Variants in GCNT1 observed in about 807,000 individuals in gnomAD.
GCNT1 encodes the protein glucosaminyl (N-acetyl) transferase 1.
In GCNT1, 16 loss-of-function variants were observed where a neutral mutation model predicts 26.2. That is an observed-to-expected ratio of 0.61 (90% CI 0.41 to 0.93). The LOEUF (loss-of-function observed/expected upper bound fraction) is 0.93. GCNT1 is among the 40% of genes least tolerant of loss of function. The pLI, the probability that GCNT1 is intolerant of heterozygous loss-of-function variation, is 0.00. For missense variants in GCNT1, 477 were observed against 526.7 expected (o/e 0.91, Z 0.92); for synonymous variants, 183 against 190.8 (o/e 0.96, Z 0.34).
rs1047834183 is a variant in GCNT1, at chr9:76,480,964, C to T, written c.-289-19952C>T. 3.3e-5 allele frequency among the ~76,000 whole-genome samples: 5 copies of T among 151,912 alleles called. 1 individual carries two copies. Among genetic ancestry groups the T allele is most frequent in the Admixed American group, 2.0e-4 (3 of 15,258 alleles). On this transcript the variant is annotated intron_variant, in intron 2 of 3. Transcript: ENST00000376730. ...TACTCAGAAAAAAAAAATAGCTGGGCGTGGTGTCTCACGCCTGTAATCCCA... is the reference window on the plus strand; with the variant it reads ...TACTCAGAAAAAAAAAATAGCTGGGTGTGGTGTCTCACGCCTGTAATCCCA...
At chr9:76,439,201 A>G (rs1587411097), upstream of GCNT1, among the ~76,000 whole-genome samples, 1 of 151,288 alleles carries the variant, frequency 6.6e-6, no homozygotes, top group East Asian at 1.9e-4. Context: ...GCAGTCAGCA[A>G]TCTGTGTTTT....
At chr9:76,456,420 T>G (rs1175639350), upstream of GCNT1, among the ~76,000 whole-genome samples, 2 of 152,174 alleles carry the variant, frequency 1.3e-5, no homozygotes, top group Non-Finnish European at 2.9e-5. Flanking sequence ...AGGGGCCCTC[T>G]CCTGGCTGTT....
chr9:76,502,286 C>A lies in GCNT1; in HGVS notation c.-96C>A. On this transcript the variant is annotated 5_prime_UTR_variant, in exon 4 of 4. It adds an upstream start codon to the 5' untranslated region. Transcript: ENST00000376730. ...CCGTTGCAGCTCTGATAAATGCAAA[C>A]TGACAACCTTCAAGGCCACGACGGA... 1 of 740,570 alleles carries A rather than the reference C, an allele frequency of 1.4e-6. No homozygotes were observed. The highest frequency in any genetic ancestry group is 2.2e-6 in the Non-Finnish European group (1 of 450,056). The allele number at this position is 740,570 out of a possible 1,614,324, so 45.9% of individuals were successfully genotyped here.
the GCNT1 span, among the ~76,000 whole-genome samples, chr9:76,406,526 A>G: frequency 2.0e-5 from 3 of 150,726 alleles, no homozygotes; most frequent in Admixed American, 6.6e-5. Context: ...AAAGAAAGAA[A>G]AAAGAAAAAT....
rs1020383020 is a variant in GCNT1, at chr9:76,426,375, C to G, written n.38+6488C>G. The stretch of plus-strand genomic sequence containing the variant: ...TTGAGCCCAGCAGTTCAAGACCATC[C>G]TGGGCAACATGGCGAAGCCCTGTCT... On this transcript the variant is annotated intron_variant and non_coding_transcript_variant, in intron 1 of 3. Coordinates refer to the GCNT1 transcript ENST00000488136. 3.3e-5 allele frequency among the ~76,000 whole-genome samples: 5 copies of G among 152,128 alleles called. No homozygotes were observed. The East Asian group carries it at 5.8e-4, about 18-fold the overall frequency.
At chr9:76,395,814 C>G in the GCNT1 span, among the ~76,000 whole-genome samples, 48 of 152,280 alleles carry the variant, frequency 3.2e-4, no homozygotes, top group Middle Eastern at 3.4e-3. Context: ...ATTAAGTTAT[C>G]TGGAGAGGCT....
intron 2 of GCNT1, among the ~76,000 whole-genome samples, chr9:76,484,770 T>C (rs1440806658): frequency 6.6e-6 from 1 of 151,020 alleles, no homozygotes; most frequent in East Asian, 2.0e-4. Context: ...AAACTGAGCA[T>C]AGCATACCAT....
upstream of GCNT1, among the ~76,000 whole-genome samples, chr9:76,439,826 G>A (rs1016138773): frequency 3.9e-5 from 6 of 152,046 alleles, no homozygotes; most frequent in South Asian, 4.1e-4. Flanking sequence ...AAGGCTGGGC[G>A]CATTGGCTCA....
chr9:76,495,869 CTT>C (rs1261580760), intron 2 of GCNT1, among the ~76,000 whole-genome samples: 1 of 152,148 alleles, frequency 6.6e-6, no homozygotes, highest in African/African-American at 2.4e-5. Flanking sequence ...ATATTTTTAA[CTT>C]TATATCCTGA....
chr9:76,414,349 A>G, the GCNT1 span, among the ~76,000 whole-genome samples: 1 of 152,224 alleles, frequency 6.6e-6, no homozygotes, highest in Non-Finnish European at 1.5e-5. Flanking sequence ...GAGGAGAAGC[A>G]TTCTATGGTC....
intron 2 of GCNT1, among the ~76,000 whole-genome samples, chr9:76,482,198 A>C (rs2131617294): frequency 1.3e-5 from 2 of 152,258 alleles, no homozygotes; most frequent in South Asian, 4.1e-4. Context: ...GCCTCCCAAC[A>C]AAGAGTTGTA....
Position 76,502,397 on chromosome 9 carries a change from C to T in GCNT1, c.16C>T (p.Leu6=), listed in dbSNP as rs1319001701. 2 of 1,610,950 alleles carry T rather than the reference C, an allele frequency of 1.2e-6. No homozygotes were observed. The highest frequency in any genetic ancestry group is 1.7e-6 in the Non-Finnish European group (2 of 1,177,616). Reference sequence around the variant, plus strand: ...ATTGTTTGAAATGCTGAGGACGTTGCTGCGAAGGAGACTTTTTTCTTATCC... The same window carrying T: ...ATTGTTTGAAATGCTGAGGACGTTGTTGCGAAGGAGACTTTTTTCTTATCC... The part of the protein sequence containing the change: MLRTL[L]RRRLFSYPTK... Residue 6 remains leucine (L), a synonymous_variant, in exon 4 of 4, where the codon CTG becomes TTG. Coordinates refer to ENST00000376730, the MANE Select transcript of GCNT1 (RefSeq NM_001490.5).
intron 1 of GCNT1, among the ~76,000 whole-genome samples, chr9:76,433,232 C>T (rs1427768567): frequency 6.6e-6 from 1 of 152,186 alleles, no homozygotes; most frequent in African/African-American, 2.4e-5. Context: ...GCCCTGCCCC[C>T]TCTTCGGAGC....
upstream of GCNT1, among the ~76,000 whole-genome samples, chr9:76,454,386 GAAAAAAAAAAAAAAAAA>G (rs71372084): frequency 1.3e-4 from 5 of 39,606 alleles, no homozygotes; most frequent in East Asian, 8.7e-4. Context: ...TCTCAGAAAA[GAAAAAAAAAAAAAAAAA>G]AAAAAAAAAA....
intron 2 of GCNT1, among the ~76,000 whole-genome samples, chr9:76,474,033 G>A (rs768129748): frequency 1.1e-4 from 16 of 152,106 alleles, no homozygotes; most frequent in Non-Finnish European, 2.2e-4. Flanking sequence ...CTGGGAAGTC[G>A]AGGCTGTAGT....
chr9:76,446,309 G>A (rs1823576670), intron 1 of GCNT1, among the ~76,000 whole-genome samples: 1 of 152,176 alleles, frequency 6.6e-6, no homozygotes, highest in African/African-American at 2.4e-5. Context: ...AAGACAAGGA[G>A]AGTTTTTGCA....
At chr9:76,489,408 A>G (rs915950434) in intron 2 of GCNT1, among the ~76,000 whole-genome samples, 1 of 152,196 alleles carries the variant, frequency 6.6e-6, no homozygotes, top group African/African-American at 2.4e-5. Flanking sequence ...AAGAGTGAGC[A>G]GCAGCAAGAT....
intron 1 of GCNT1, among the ~76,000 whole-genome samples, chr9:76,451,973 G>A (rs1252752702): frequency 2.4e-4 from 19 of 78,406 alleles, no homozygotes; most frequent in South Asian, 4.0e-4. Context: ...TTTTGTTGTT[G>A]TTGTTGTTGT....
At chr9:76,403,079 C>T in the GCNT1 span, among the ~76,000 whole-genome samples, 3 of 152,168 alleles carry the variant, frequency 2.0e-5, no homozygotes, top group South Asian at 6.2e-4. Context: ...CAAATTTTGT[C>T]AACTTCTACC....
Sources: allele counts gnomAD v4.1 joint callset (sites outside exome capture counted in the v4.1 genomes callset), GRCh38; gene constraint gnomAD v4.1.1; transcripts MANE v1.5; gene names NCBI Gene and HGNC (gene_info 2026-07-23, HGNC 2026-07-21).